Variants in SCAPER observed in about 807,000 individuals in gnomAD.
SCAPER encodes S phase cyclin A-associated protein in the endoplasmic reticulum.
In SCAPER, 98 loss-of-function variants were observed where a neutral mutation model predicts 182.2. That is an observed-to-expected ratio of 0.54 (90% confidence interval 0.46 to 0.64). SCAPER has a LOEUF of 0.64. Ranked by LOEUF, SCAPER falls within the 30% of genes least tolerant of loss-of-function variation. The pLI, the probability that SCAPER is intolerant of heterozygous loss-of-function variation, is 0.00. For missense variants in SCAPER, 1,432 were observed against 1,690.0 expected (o/e 0.85, Z 2.68); for synonymous variants, 605 against 564.6 (o/e 1.07, Z -1.01).
In SCAPER at chr15:76,774,739, G is replaced by T; in HGVS notation, c.1035+116C>A. On this transcript the variant is annotated intron_variant, in intron 9 of 31. Transcript: ENST00000563290. The stretch of plus-strand genomic sequence containing the variant: ...CTTGCCACTTTTCTGTAGGTCTATA[G>T]ACCTGAAAATTTTCACAGTAAGTTA... 4.5e-6 allele frequency: 5 copies of T among 1,109,538 alleles called. No individual in the cohort carries two copies. In the South Asian group the frequency reaches 5.2e-5, roughly 11 times the overall value. The allele number at this position is 1,109,538 out of a possible 1,614,324, so 68.7% of individuals were successfully genotyped here. A position where few individuals can be genotyped will look rare whatever the true frequency, so the allele number is the denominator to read the frequency against.
At chr15:76,781,377 T>C (rs900077612) in intron 8 of SCAPER, among the ~76,000 whole-genome samples, 3 of 151,984 alleles carry the variant, frequency 2.0e-5, no homozygotes, top group Non-Finnish European at 4.4e-5. Context: ...CTCCAAGAAA[T>C]ATGGGACTAT....
chr15:76,629,449 A>G (rs1275623246), intron 21 of SCAPER, among the ~76,000 whole-genome samples: 2 of 152,136 alleles, frequency 1.3e-5, no homozygotes, highest in Non-Finnish European at 2.9e-5. Context: ...TACCGAGTTT[A>G]TTGAGAGTTT....
At position 76,560,822 on chromosome 15, in the gene SCAPER, C is replaced by A. The variant is rs540868990; in HGVS notation, c.2838+13336G>T. Among the ~76,000 whole-genome samples, 36 of 152,238 alleles carry A rather than the reference C, an allele frequency of 2.4e-4. 1 individual carries two copies. The South Asian group carries it at 3.9e-3, about 17-fold the overall frequency. ...ATACACCTAGCACTAGAAAGAAATA[C>A]CTTCAAGACTTCTCAATTTTTTCCA... On this transcript the variant is annotated intron_variant, in intron 23 of 31. Coordinates refer to ENST00000563290, the MANE Select transcript of SCAPER (RefSeq NM_020843.4).
intron 15 of SCAPER, among the ~76,000 whole-genome samples, chr15:76,743,603 A>T (rs765371338): frequency 6.6e-6 from 1 of 152,188 alleles, no homozygotes; most frequent in Non-Finnish European, 1.5e-5. Context: ...AAGAGGTGAA[A>T]GAACTGAACA....
chr15:76,712,481 A>T (rs1267798432), intron 17 of SCAPER, among the ~76,000 whole-genome samples: 3 of 152,306 alleles, frequency 2.0e-5, no homozygotes, highest in African/African-American at 7.2e-5. Flanking sequence ...GAAGAAAGTC[A>T]TCGGTAGCTT....
rs1209644914 is a variant in SCAPER at position 76,764,491 on chromosome 15, T to G, written c.1725+470A>C. ...GCATGGCTATTTGGCCCACTGCATATGGACATGGATTGACAACAACTGTGG... is the reference window on the plus strand; with the variant it reads ...GCATGGCTATTTGGCCCACTGCATAGGGACATGGATTGACAACAACTGTGG... On this transcript the variant is annotated intron_variant, in intron 14 of 31. Transcript: ENST00000563290. Among the ~76,000 whole-genome samples, 3 of 152,244 alleles carry G rather than the reference T, an allele frequency of 2.0e-5. No homozygotes were observed. The East Asian group carries it at 5.8e-4, about 29-fold the overall frequency.
At chr15:76,412,996 G>T (rs1484498092) in intron 26 of SCAPER, among the ~76,000 whole-genome samples, 1 of 151,900 alleles carries the variant, frequency 6.6e-6, no homozygotes, top group Non-Finnish European at 1.5e-5. Context: ...TTTATAAATG[G>T]TATTGTTTTT....
chr15:76,829,731 A>G (rs1429274540), intron 5 of SCAPER, among the ~76,000 whole-genome samples: 2 of 152,166 alleles, frequency 1.3e-5, no homozygotes, highest in Non-Finnish European at 2.9e-5. Flanking sequence ...ACAACTATGA[A>G]GACTAACGTC....
intron 27 of SCAPER, among the ~76,000 whole-genome samples, chr15:76,386,220 C>A (rs571748015): frequency 6.6e-6 from 1 of 152,344 alleles, no homozygotes; most frequent in African/African-American, 2.4e-5. Context: ...ATCTCACCAT[C>A]TCAAGATCCT....
chr15:76,803,396 A>C (rs1481585227), intron 6 of SCAPER, among the ~76,000 whole-genome samples: 1 of 152,206 alleles, frequency 6.6e-6, no homozygotes, highest in Non-Finnish European at 1.5e-5. Flanking sequence ...AAACTGGTTA[A>C]GAGTGTTTTT....
chr15:76,457,796 G>A (rs2048853509), intron 25 of SCAPER, among the ~76,000 whole-genome samples: 1 of 151,998 alleles, frequency 6.6e-6, no homozygotes, highest in Non-Finnish European at 1.5e-5. Flanking sequence ...AAATTTTAAA[G>A]TAAAATTTAA....
At chr15:76,425,585 T>A (rs1218556057) in intron 26 of SCAPER, among the ~76,000 whole-genome samples, 1 of 152,180 alleles carries the variant, frequency 6.6e-6, no homozygotes, top group Non-Finnish European at 1.5e-5. Flanking sequence ...CTCTGAGAAG[T>A]TTGATTGTCT....
intron 16 of SCAPER, 67 bp downstream of exon 16, chr15:76,733,162 C>T: frequency 6.9e-7 from 1 of 1,451,998 alleles, no homozygotes; most frequent in Non-Finnish European, 9.3e-7. Context: ...CCCACCGACC[C>T]TGCGGGGCTG....
intron 7 of SCAPER, among the ~76,000 whole-genome samples, chr15:76,798,385 A>T (rs562487321): frequency 1.4e-4 from 21 of 151,874 alleles, no homozygotes; most frequent in African/African-American, 4.3e-4. Flanking sequence ...GAAAAGAAAA[A>T]GAAAAAGAAA....
At chr15:76,628,886 G>A (rs2052829238) in intron 21 of SCAPER, among the ~76,000 whole-genome samples, 1 of 152,162 alleles carries the variant, frequency 6.6e-6, no homozygotes, top group African/African-American at 2.4e-5. Flanking sequence ...GAACAATACT[G>A]GTTCTTCCTA....
At chr15:76,649,214 C>G (rs1311887352) in intron 21 of SCAPER, among the ~76,000 whole-genome samples, 2 of 152,128 alleles carry the variant, frequency 1.3e-5, no homozygotes, top group Non-Finnish European at 2.9e-5. Flanking sequence ...GGCAACAAGC[C>G]TCGAGTATTT....
intron 5 of SCAPER, among the ~76,000 whole-genome samples, chr15:76,815,128 G>A (rs560081513): frequency 6.6e-6 from 1 of 152,242 alleles, no homozygotes; most frequent in Non-Finnish European, 1.5e-5. Context: ...TGTTGGCCAG[G>A]GTGTGAAGAA....
At chr15:76,714,083 C>A (rs1487925785) in intron 17 of SCAPER, among the ~76,000 whole-genome samples, 1 of 151,776 alleles carries the variant, frequency 6.6e-6, no homozygotes, top group African/African-American at 2.4e-5. Context: ...CAGATACACA[C>A]AACATGGAGG....
intron 24 of SCAPER, chr15:76,472,037 C>T (rs889523227): frequency 1.5e-5 from 4 of 262,042 alleles, no homozygotes; most frequent in East Asian, 1.9e-4. Context: ...GACCCCAGCC[C>T]GACCAGTCTG....
Sources: gnomAD v4.1 joint callset for allele counts (sites outside exome capture counted in the v4.1 genomes callset) on GRCh38, gnomAD v4.1.1 for gene constraint, MANE v1.5 for transcripts, NCBI Gene and HGNC (gene_info 2026-07-23, HGNC 2026-07-21) for gene names.